PGR: variants seen among roughly 807,000 people sequenced by gnomAD.
The protein encoded by PGR is nuclear receptor subfamily 3 group C member 3.
A neutral mutation model predicts 76.1 loss-of-function variants in PGR; 25 were observed. That is an observed-to-expected ratio of 0.33 (90% CI 0.24 to 0.46). PGR has a LOEUF of 0.46. Ranked by LOEUF, PGR falls within the 20% of genes least tolerant of loss-of-function variation. PGR has a pLI of 1.00. For synonymous variants in PGR, 579 were observed against 535.0 expected, an observed-to-expected ratio of 1.08 and a Z score of -1.14; for missense variants, 1,172 against 1,225.3, an observed-to-expected ratio of 0.96 and a Z score of 0.65.
intron 3 of PGR, among the ~76,000 whole-genome samples, chr11:101,086,496 CA>C (rs1285723553): frequency 6.6e-6 from 1 of 152,050 alleles, no homozygotes; most frequent in Non-Finnish European, 1.5e-5. Flanking sequence ...ACTGAATGGG[CA>C]AAAGCTGGAA....
intron 4 of PGR, among the ~76,000 whole-genome samples, chr11:101,055,380 C>T (rs1443198002): frequency 7.5e-6 from 1 of 132,888 alleles, no homozygotes; most frequent in South Asian, 2.5e-4. Flanking sequence ...CGTGCCACTG[C>T]ACTCCAGCCT....
At chr11:101,064,767 CT>C (rs1241213191) in intron 3 of PGR, among the ~76,000 whole-genome samples, 2 of 152,176 alleles carry the variant, frequency 1.3e-5, no homozygotes, top group African/African-American at 4.8e-5. Context: ...TCTTTATTAT[CT>C]GTTGCTGTAT....
chr11:101,045,365 T>C (rs2135384807), intron 6 of PGR, among the ~76,000 whole-genome samples: 1 of 152,200 alleles, frequency 6.6e-6, no homozygotes, highest in East Asian at 1.9e-4. Flanking sequence ...TACATGAATA[T>C]ATTGCATAGT....
chr11:101,069,582 C>A (rs1860843953), intron 3 of PGR, among the ~76,000 whole-genome samples: 1 of 152,134 alleles, frequency 6.6e-6, no homozygotes, highest in Non-Finnish European at 1.5e-5. Context: ...CAGCAGTATT[C>A]ACAATAGCAA....
chr11:101,034,201 T>A lies in PGR; in HGVS notation c.*4915A>T, dbSNP rs1859438218. 4.5e-6 allele frequency: 1 copy of A among 222,988 alleles called. No homozygotes were observed. Among genetic ancestry groups the A allele is most frequent in the Non-Finnish European group, 9.0e-6 (1 of 111,596 alleles). The allele number at this position is 222,988 out of a possible 1,614,324, so 13.8% of individuals were successfully genotyped here. On this transcript the variant is annotated 3_prime_UTR_variant, in exon 8 of 8. Coordinates refer to ENST00000325455, the MANE Select transcript of PGR (RefSeq NM_000926.4). ...GGAAAAAAAGCAAACAAACCTGTGT[T>A]TAACAATAAGGTCAGCATGACATAC...
rs35946164 is a variant in PGR at position 101,099,539 on chromosome 11, T to C, written c.1790-7663A>G. Among the ~76,000 whole-genome samples, 42 of 152,126 alleles carry C rather than the reference T, an allele frequency of 2.8e-4. No individual in the cohort carries two copies. In the East Asian group the frequency reaches 6.9e-3, roughly 25 times the overall value. On this transcript the variant is annotated intron_variant, in intron 2 of 7. Transcript: ENST00000325455. The stretch of plus-strand genomic sequence containing the variant: ...TTGAGTGCTTTTCTGAAAATATTTA[T>C]CAATAAAAGTTTCTTTCTTTTAAAA...
chr11:101,055,401 C>A (rs923292249), intron 4 of PGR, among the ~76,000 whole-genome samples: 1 of 107,504 alleles, frequency 9.3e-6, no homozygotes, highest in African/African-American at 3.8e-5. Flanking sequence ...GGTGACACAG[C>A]GAGACTCCAT....
chr11:101,067,511 G>A (rs1251191440), intron 3 of PGR, among the ~76,000 whole-genome samples: 1 of 151,830 alleles, frequency 6.6e-6, no homozygotes, highest in Non-Finnish European at 1.5e-5. Context: ...GCCATGGAGT[G>A]TAAACTACTA....
chr11:101,108,940 C>T (rs570432606), intron 2 of PGR, among the ~76,000 whole-genome samples: 6 of 152,162 alleles, frequency 3.9e-5, no homozygotes, highest in Admixed American at 6.5e-5. Flanking sequence ...GTCTCTGTCA[C>T]GTTTTAGTAA....
At position 101,105,851 on chromosome 11, in the gene PGR, A is replaced by C. The variant is rs986584396; in HGVS notation, c.1790-13975T>G. On this transcript the variant is annotated intron_variant, in intron 2 of 7. Coordinates refer to ENST00000325455, the MANE Select transcript of PGR (RefSeq NM_000926.4). ...TATACTACAAGGCTGCAGTAACCAA[A>C]ACAGCATGGCACTGGTACCAAAACG... Among the ~76,000 whole-genome samples the C allele has an allele frequency of 2.6e-5, 4 of 152,170 alleles. 1 individual carries two copies. The highest frequency in any genetic ancestry group is 9.7e-5 in the African/African-American group (4 of 41,436).
intron 2 of PGR, among the ~76,000 whole-genome samples, chr11:101,105,469 A>T (rs1332903897): frequency 6.6e-6 from 1 of 151,146 alleles, no homozygotes; most frequent in Non-Finnish European, 1.5e-5. Flanking sequence ...CAATTGATTT[A>T]AAGAATCCTA....
chr11:101,109,695 G>A (rs188228414), intron 2 of PGR, among the ~76,000 whole-genome samples: 1 of 152,346 alleles, frequency 6.6e-6, no homozygotes, highest in Admixed American at 6.5e-5. Flanking sequence ...AGAAGCTGCA[G>A]CAAGTTATCC....
At chr11:101,082,954 C>T (rs1350935158) in intron 3 of PGR, among the ~76,000 whole-genome samples, 1 of 152,188 alleles carries the variant, frequency 6.6e-6, no homozygotes, top group Non-Finnish European at 1.5e-5. Flanking sequence ...ACAGTCAAGA[C>T]AATGGGGAAA....
intron 3 of PGR, among the ~76,000 whole-genome samples, chr11:101,084,280 A>G (rs976159985): frequency 2.6e-5 from 4 of 152,156 alleles, no homozygotes; most frequent in African/African-American, 9.7e-5. Flanking sequence ...AGTCATTTAA[A>G]TGTCATTTCT....
Position 101,128,233 on chromosome 11 carries a change from C to T in PGR, c.838G>A (p.Val280Ile). Residue 280 changes from valine to isoleucine, a missense_variant, in exon 1 of 8, where the codon GTC becomes ATC. By Grantham distance (29) the Val-to-Ile change is conservative. This residue lies in a region of PGR where 893 missense variants were observed against 785.9 expected (regional missense o/e 1.14). Coordinates refer to ENST00000325455, the MANE Select transcript of PGR (RefSeq NM_000926.4). Reference protein sequence around the residue: ...KEDSRFSAPRVALVEQDAPMA... With the variant: ...KEDSRFSAPRIALVEQDAPMA... ...GGCGCGTCCTGCTCCACCAGGGCGA[C>T]CCTGGGCGCTGAGAAGCGGGAATCT... 2 of 1,597,026 alleles carry T rather than the reference C, an allele frequency of 1.3e-6. No homozygotes were observed. The highest frequency in any genetic ancestry group is 1.3e-5 in the African/African-American group (1 of 75,008).
chr11:101,076,905 A>G (rs1861145505), intron 3 of PGR, among the ~76,000 whole-genome samples: 4 of 147,400 alleles, frequency 2.7e-5, no homozygotes. Flanking sequence ...TATTTTTTTA[A>G]AACTACAAAT....
Position 101,031,745 on chromosome 11 carries a change from C to A in PGR, c.*7371G>T, listed in dbSNP as rs1458969550. 8.8e-6 allele frequency: 2 copies of A among 227,234 alleles called. No homozygotes were observed. The highest frequency in any genetic ancestry group is 8.7e-6 in the Non-Finnish European group (1 of 114,512). 14.1% of individuals were successfully genotyped at this position (227,234 alleles called of 1,614,324 possible). A position where few individuals can be genotyped will look rare whatever the true frequency, so the allele number is the denominator to read the frequency against. On this transcript the variant is annotated 3_prime_UTR_variant, in exon 8 of 8. Transcript: ENST00000325455. The stretch of plus-strand genomic sequence containing the variant: ...AATGGGCTTTGATGGAACTTGGTTC[C>A]ATAGAAGGAATCCCAGATAAGGCTT...
rs958102247 is a variant in PGR, at chr11:101,032,951, A to G, written c.*6165T>C. On this transcript the variant is annotated 3_prime_UTR_variant, in exon 8 of 8. Coordinates refer to ENST00000325455, the MANE Select transcript of PGR (RefSeq NM_000926.4). ...AAGTAAGACTTTTCAACAAAAAATA[A>G]TTAATTTAATGTTTTAGAGAGCCCT... is the stretch of plus-strand genomic sequence containing the variant. The G allele has an allele frequency of 5.4e-6, 1 of 185,924 alleles. No homozygotes were observed. The highest frequency in any genetic ancestry group is 2.3e-5 in the African/African-American group (1 of 42,716). 11.5% of individuals were successfully genotyped at this position (185,924 alleles called of 1,614,324 possible).
At chr11:101,113,683 A>C (rs939810385) in intron 2 of PGR, among the ~76,000 whole-genome samples, 4 of 152,182 alleles carry the variant, frequency 2.6e-5, no homozygotes, top group African/African-American at 4.8e-5. Flanking sequence ...AATTTACTTA[A>C]GGGTTGGGAG....
Sources: gnomAD v4.1 joint callset for allele counts (sites outside exome capture counted in the v4.1 genomes callset) on GRCh38, gnomAD v4.1.1 for gene constraint, gnomAD v4.1.1 regional missense constraint, MANE v1.5 for transcripts, NCBI Gene and HGNC (gene_info 2026-07-23, HGNC 2026-07-21) for gene names.